Variants in MRPL34 observed in about 807,000 individuals in gnomAD.
MRPL34 encodes mitochondrial ribosomal protein L34.
MRPL34 carries 8 observed loss-of-function variants against 6.7 expected under a neutral mutation model. The ratio of observed to expected loss-of-function variants is 1.20; its 90% confidence interval spans 0.70 to 2.16. The LOEUF is 2.16. Among genes scored for constraint, MRPL34 ranks in the 30% most tolerant of loss-of-function variants. The pLI, the probability that MRPL34 is intolerant of heterozygous loss-of-function variation, is 0.00. For synonymous variants in MRPL34, 59 were observed against 55.1 expected (o/e 1.07, Z -0.31); for missense variants, 146 against 125.5 (o/e 1.16, Z -0.78).
upstream of MRPL34, chr19:17,301,361 G>C (rs779278939): frequency 1.2e-6 from 2 of 1,610,474 alleles, no homozygotes. Flanking sequence ...CGCCCATTGC[G>C]GTACACGGTG....
At position 17,306,394 on chromosome 19, in the gene MRPL34, T is replaced by C. The variant is rs567182216; in HGVS notation, c.*15T>C. On this transcript the variant is annotated 3_prime_UTR_variant, in exon 2 of 2. Coordinates refer to ENST00000252602, the MANE Select transcript of MRPL34 (RefSeq NM_023937.4). ...TGAGCCATTGAGGATCGCGACGCAG[T>C]CGGCGGGACCCTCATGGAAGCATCG... The C allele has an allele frequency of 1.3e-6, 2 of 1,549,966 alleles. No individual in the cohort carries two copies. Among genetic ancestry groups the C allele is most frequent in the South Asian group, 2.4e-5 (2 of 82,956 alleles).
chr19:17,301,950 T>C (rs1445386837), upstream of MRPL34, among the ~76,000 whole-genome samples: 1 of 152,100 alleles, frequency 6.6e-6, no homozygotes, highest in African/African-American at 2.4e-5. Context: ...GGTGCCACCA[T>C]GTCTAGCTAA....
chr19:17,294,907 G>A (rs1320860115), intron 1 of MRPL34: 4 of 1,570,224 alleles, frequency 2.5e-6, no homozygotes, highest in South Asian at 2.3e-5. Flanking sequence ...GATACAAGCA[G>A]TGACCATTTT....
upstream of MRPL34, chr19:17,301,587 G>T: frequency 6.3e-7 from 1 of 1,581,176 alleles, no homozygotes; most frequent in East Asian, 2.3e-5. Context: ...GCAGGCAACA[G>T]AAGATACCGT....
At position 17,305,931 on chromosome 19, in the gene MRPL34, T is replaced by G. The variant is rs370367305; in HGVS notation, c.39T>G (p.Ser13Arg). Residue 13 changes from serine (S) to arginine (R), a missense_variant, in exon 1 of 2, where the codon AGT (serine) becomes AGG (arginine). Coordinates refer to ENST00000252602, the MANE Select transcript of MRPL34 (RefSeq NM_023937.4). The stretch of plus-strand genomic sequence containing the variant: ...CTGGATCCCTGTTGGGCCCCACGAG[T>G]AGGTCGGCAGCGTTGCTGGGTGGCA... ...VLAGSLLGPT[S>R]RSAALLGGRW... 5.8e-5 allele frequency: 93 copies of G among 1,613,808 alleles called. No individual in the cohort carries two copies. In the Middle Eastern group the frequency reaches 1.5e-3, roughly 26 times the overall value.
upstream of MRPL34, chr19:17,300,844 G>A: frequency 2.5e-6 from 4 of 1,575,236 alleles, no homozygotes; most frequent in Non-Finnish European, 3.5e-6. Flanking sequence ...CCACATGCCA[G>A]GGTTCACTTA....
At chr19:17,299,244 C>CT (rs954817387), upstream of MRPL34, among the ~76,000 whole-genome samples, 5 of 148,068 alleles carry the variant, frequency 3.4e-5, no homozygotes, top group Admixed American at 2.7e-4. Flanking sequence ...ACCCCCCCCC[C>CT]ATTCTCTATA....
intron 1 of MRPL34, among the ~76,000 whole-genome samples, chr19:17,293,999 G>C (rs963097720): frequency 6.6e-6 from 1 of 152,092 alleles, no homozygotes; most frequent in African/African-American, 2.4e-5. Context: ...CAAATCCTCC[G>C]CTGTGAGGAG....
Position 17,292,658 on chromosome 19 carries a change from CG to C in MRPL34, c.20del (p.Gly7AlafsTer33). On this transcript the variant is annotated frameshift_variant, in exon 1 of 3. Transcript: ENST00000595444. LOFTEE classifies it high-confidence loss of function. ...ACCAAGCGATGCCCCGCCGGCCCAGCGGCTACTTCTTGTCTTCTGGAGGCGC... is the reference window on the plus strand; with the variant it reads ...ACCAAGCGATGCCCCGCCGGCCCAGCGCTACTTCTTGTCTTCTGGAGGCGC... 1 of 1,606,106 alleles carries C rather than the reference CG, an allele frequency of 6.2e-7. No homozygotes were observed. The highest frequency in any genetic ancestry group is 8.5e-7 in the Non-Finnish European group (1 of 1,176,594).
At chr19:17,306,016 G>T (rs920338152) in intron 1 of MRPL34, 59 bp downstream of exon 1, 4 of 1,597,782 alleles carry the variant, frequency 2.5e-6, no homozygotes, top group Admixed American at 1.7e-5. Flanking sequence ...TCGGAGGCTG[G>T]CGCCACTCTT....
upstream of MRPL34, chr19:17,300,746 G>A: frequency 1.5e-6 from 2 of 1,364,858 alleles, no homozygotes; most frequent in Non-Finnish European, 2.0e-6. Flanking sequence ...CCAAAGTGCT[G>A]GGATTACAGG....
chr19:17,299,375 C>T (rs1194683462), upstream of MRPL34, among the ~76,000 whole-genome samples: 3 of 151,728 alleles, frequency 2.0e-5, no homozygotes, highest in Admixed American at 2.0e-4. Context: ...TCCTGGCTAA[C>T]ACGGTGAAAC....
intron 1 of MRPL34, chr19:17,294,677 G>C: frequency 6.2e-7 from 1 of 1,613,768 alleles, no homozygotes; most frequent in Non-Finnish European, 8.5e-7. Context: ...ACACTCACTT[G>C]AGGAAGCTCC....
upstream of MRPL34, chr19:17,301,160 G>T: frequency 6.2e-7 from 1 of 1,610,266 alleles, no homozygotes. Flanking sequence ...CTCTTGGGGC[G>T]CCTGGCTCGC....
chr19:17,306,586 C>T lies in MRPL34; in HGVS notation c.*207C>T. ...AAGCATTTCGAACCTGCGCAACAGA[C>T]CAAAGAACAGTACAAAGAACATCCG... On this transcript the variant is annotated 3_prime_UTR_variant, in exon 2 of 2. Coordinates refer to ENST00000252602, the MANE Select transcript of MRPL34 (RefSeq NM_023937.4). 1.9e-6 allele frequency: 1 copy of T among 540,442 alleles called. No homozygotes were observed. The highest frequency in any genetic ancestry group is 3.3e-6 in the Non-Finnish European group (1 of 307,390). 33.5% of individuals were successfully genotyped at this position (540,442 alleles called of 1,614,324 possible). A position where few individuals can be genotyped will look rare whatever the true frequency, so the allele number is the denominator to read the frequency against.
upstream of MRPL34, chr19:17,301,704 T>C (rs1331954375): frequency 1.4e-6 from 2 of 1,418,270 alleles, no homozygotes; most frequent in Non-Finnish European, 1.8e-6. Flanking sequence ...CCCTGAGCCT[T>C]GGGAGAACTG....
rs760613065 is a variant in MRPL34, at chr19:17,294,531, G to T, written c.214+1677G>T. The T allele has an allele frequency of 7.4e-6, 12 of 1,612,956 alleles. No homozygotes were observed. In the Admixed American group the frequency reaches 1.5e-4, roughly 20 times the overall value. Reference sequence around the variant, plus strand: ...TGGTGGTGGTGGAGGCACCGCTAGAGCCCCTTATGCCAGCCCGACTGCCGT... The same window carrying T: ...TGGTGGTGGTGGAGGCACCGCTAGATCCCCTTATGCCAGCCCGACTGCCGT... On this transcript the variant is annotated intron_variant, in intron 1 of 2. Coordinates refer to the MRPL34 transcript ENST00000595444.
upstream of MRPL34, among the ~76,000 whole-genome samples, chr19:17,304,633 T>G (rs1443981934): frequency 6.6e-6 from 1 of 152,138 alleles, no homozygotes; most frequent in Admixed American, 6.6e-5. Context: ...TACAGTTTAT[T>G]CATTTAGCAA....
Position 17,305,962 on chromosome 19 carries a change from G to A in MRPL34, c.65+5G>A, listed in dbSNP as rs1305880670. 1 of 1,614,100 alleles carries A rather than the reference G, an allele frequency of 6.2e-7. No individual in the cohort carries two copies. The highest frequency in any genetic ancestry group is 8.5e-7 in the Non-Finnish European group (1 of 1,179,986). Reference sequence around the variant, plus strand: ...GGCAGCGTTGCTGGGTGGCAGGTAAGTCCTCAGGGGGACCCTTCCCCAAAT... The same window carrying A: ...GGCAGCGTTGCTGGGTGGCAGGTAAATCCTCAGGGGGACCCTTCCCCAAAT... On this transcript the variant is annotated splice_donor_5th_base_variant and intron_variant, in intron 1 of 1. Transcript: ENST00000252602.
Sources: gnomAD v4.1 joint callset for allele counts (sites outside exome capture counted in the v4.1 genomes callset) on GRCh38, gnomAD v4.1.1 for gene constraint, MANE v1.5 for transcripts, NCBI Gene and HGNC (gene_info 2026-07-23, HGNC 2026-07-21) for gene names.